The following GTF3C4 variants were observed in gnomAD, a reference collection of about 807,000 sequenced individuals.
GTF3C4 encodes general transcription factor 3C polypeptide 4.
GTF3C4 carries 28 observed loss-of-function variants against 67.5 expected under a neutral mutation model. The observed-to-expected ratio is 0.41, with a 90% CI of 0.31 to 0.57. The LOEUF is 0.57. Ranked by LOEUF, GTF3C4 falls within the 20% of genes least tolerant of loss-of-function variation. GTF3C4 has a pLI of 0.21. For synonymous variants in GTF3C4, 409 were observed against 393.0 expected (o/e 1.04, Z -0.48); for missense variants, 831 against 1,033.2 (o/e 0.80, Z 2.68).
chr9:132,671,062 C>T (rs1835732607), intron 1 of GTF3C4, 107 bp downstream of exon 1: 3 of 764,730 alleles, frequency 3.9e-6, no homozygotes, highest in Non-Finnish European at 6.5e-6. Context: ...GGATTTCCCT[C>T]TTCGCACCGA....
chr9:132,672,655 T>C (rs1425048292), intron 1 of GTF3C4, among the ~76,000 whole-genome samples: 4 of 152,192 alleles, frequency 2.6e-5, no homozygotes, highest in African/African-American at 4.8e-5. Context: ...TAAGATGCTG[T>C]TACAGTTTCA....
chr9:132,670,242 G>A (rs773688224), upstream of GTF3C4: 4 of 1,526,118 alleles, frequency 2.6e-6, no homozygotes, highest in Non-Finnish European at 3.5e-6. Flanking sequence ...AGCGAGATCC[G>A]GCGCCATCTC....
intron 3 of GTF3C4, 31 bp from the exon 4 acceptor site, chr9:132,687,208 T>G: frequency 8.2e-7 from 1 of 1,222,996 alleles, no homozygotes. Context: ...GCAAACCCTC[T>G]CCCTTGCCAA....
At chr9:132,672,528 A>C (rs1475086210) in intron 1 of GTF3C4, among the ~76,000 whole-genome samples, 1 of 152,210 alleles carries the variant, frequency 6.6e-6, no homozygotes, top group Non-Finnish European at 1.5e-5. Flanking sequence ...TTGTATAATG[A>C]CGGATCAGTA....
chr9:132,684,259 C>T (rs1050192097), intron 3 of GTF3C4, among the ~76,000 whole-genome samples: 1 of 152,190 alleles, frequency 6.6e-6, no homozygotes, highest in African/African-American at 2.4e-5. Context: ...ATCTCTCCCC[C>T]TAAGTCTAGG....
Position 132,686,684 on chromosome 9 carries a change from A to G in GTF3C4, c.2316-555A>G, listed in dbSNP as rs147315487. ...TTTTGCACCATTAATTTTGCCTTCG[A>G]TATTCTTCAGGGTTTTCCCCAGTGT... On this transcript the variant is annotated intron_variant, in intron 3 of 4. Transcript: ENST00000372146. Among the ~76,000 whole-genome samples, 1,465 of 152,242 alleles carry G rather than the reference A, an allele frequency of 9.6e-3. 11 individuals are homozygous for G. Among genetic ancestry groups the G allele is most frequent in the Non-Finnish European group, 0.013 (900 of 68,034 alleles).
intron 3 of GTF3C4, 82 bp downstream of exon 3, chr9:132,683,775 C>T: frequency 7.6e-7 from 1 of 1,307,236 alleles, no homozygotes; most frequent in South Asian, 1.5e-5. Flanking sequence ...AGAATAGCAA[C>T]TTTATGCCAG....
chr9:132,671,014 A>G (rs1162957976), intron 1 of GTF3C4, 59 bp downstream of exon 1: 26 of 1,194,650 alleles, frequency 2.2e-5, no homozygotes, highest in African/African-American at 4.5e-5. Context: ...CGGCCGCATC[A>G]TCCGTCCCAG....
chr9:132,693,515 C>T lies in GTF3C4; in HGVS notation c.*4570C>T, dbSNP rs1836150706. 1 of 152,128 alleles carries T rather than the reference C, an allele frequency of 6.6e-6. No homozygotes were observed. Among genetic ancestry groups the T allele is most frequent in the South Asian group, 2.1e-4 (1 of 4,828 alleles). 9.4% of individuals were successfully genotyped at this position (152,128 alleles called of 1,614,324 possible). ...TGACGAAAGTGTAAGATTATACTCT[C>T]ATGCTAAAATAAGGTATAGGCTAAG... On this transcript the variant is annotated 3_prime_UTR_variant, in exon 5 of 5. Coordinates refer to ENST00000372146, the MANE Select transcript of GTF3C4 (RefSeq NM_012204.4).
In GTF3C4 at chr9:132,688,868, C is replaced by G. The variant is rs1378381966; in HGVS notation, c.2405-13C>G. Reference sequence around the variant, plus strand: ...GAAGCTAACAGTTGATACCACTTGTCCTCCTTTTGCAGATCCCGACTGGAT... The same window carrying G: ...GAAGCTAACAGTTGATACCACTTGTGCTCCTTTTGCAGATCCCGACTGGAT... On this transcript the variant is annotated splice_polypyrimidine_tract_variant and intron_variant, in intron 4 of 4. Coordinates refer to ENST00000372146, the MANE Select transcript of GTF3C4 (RefSeq NM_012204.4). The G allele has an allele frequency of 1.2e-6, 2 of 1,600,952 alleles. No individual in the cohort carries two copies. The highest frequency in any genetic ancestry group is 1.7e-6 in the Non-Finnish European group (2 of 1,168,076).
Position 132,678,465 on chromosome 9 carries a change from C to T in GTF3C4, c.846C>T (p.Asn282=), listed in dbSNP as rs756038540. ...GSVLLAVLFE[N]GNIAVWQFQL... is the part of the protein sequence containing the mutation. ...TGCTCCTGGCTGTCCTCTTTGAAAA[C>T]GGTAATATCGCCGTGTGGCAGTTTC... Residue 282 remains asparagine (N), a synonymous_variant, in exon 2 of 5, where the codon AAC becomes AAT. Coordinates refer to ENST00000372146, the MANE Select transcript of GTF3C4 (RefSeq NM_012204.4). The surrounding 1 kb of genome is among the most constrained non-coding windows in gnomAD (Gnocchi z 6.5). The T allele has an allele frequency of 1.5e-5, 25 of 1,614,070 alleles. No homozygotes were observed. In the Admixed American group the frequency reaches 2.2e-4, roughly 14 times the overall value.
At chr9:132,671,099 G>A (rs1213738901) in intron 1 of GTF3C4, 144 bp downstream of exon 1, 4 of 648,652 alleles carry the variant, frequency 6.2e-6, no homozygotes, top group African/African-American at 1.9e-5. Context: ...AAGCAGCCAG[G>A]GTTACCACAG....
At chr9:132,681,966 T>TAAAAAAA (rs56402111) in intron 2 of GTF3C4, among the ~76,000 whole-genome samples, 6 of 114,750 alleles carry the variant, frequency 5.2e-5, no homozygotes, top group Non-Finnish European at 3.4e-5. Flanking sequence ...CTACATAAAG[T>TAAAAAAA]AAAAAAAAAA....
At chr9:132,687,218 A>G (rs747570884) in intron 3 of GTF3C4, 21 bp from the exon 4 acceptor site, 6 of 1,399,138 alleles carry the variant, frequency 4.3e-6, no homozygotes, top group South Asian at 2.3e-5. Context: ...TCCCTTGCCA[A>G]TACAGTCTGT....
rs1445832770 is a variant in GTF3C4, at chr9:132,690,696, AAG to A, written c.*1753_*1754del. On this transcript the variant is annotated 3_prime_UTR_variant, in exon 5 of 5. Transcript: ENST00000372146. ...GTTTATCCACTATTGATTTTCAAGA[AAG>A]AAACCAAGCAGCATTGAAATCATGA... The A allele has an allele frequency of 1.3e-5, 2 of 152,234 alleles. No homozygotes were observed. The highest frequency in any genetic ancestry group is 4.8e-5 in the African/African-American group (2 of 41,470). The allele number at this position is 152,234 out of a possible 1,614,324, so 9.4% of individuals were successfully genotyped here.
At position 132,679,173 on chromosome 9, in the gene GTF3C4, T is replaced by G. The variant is rs1426530867; in HGVS notation, c.1554T>G (p.Phe518Leu). The G allele has an allele frequency of 1.9e-6, 3 of 1,614,068 alleles. No homozygotes were observed. Among genetic ancestry groups the G allele is most frequent in the African/African-American group, 2.7e-5 (2 of 74,920 alleles). ...TCCAATTTGTTACTCTCAAAACCTT[T>G]GAAGAGGCAGCTGCTCAGCTCCTGG... ...YQVQFVTLKT[F>L]EEAAAQLLES... Residue 518 changes from phenylalanine to leucine, a missense_variant, in exon 2 of 5, where the codon TTT becomes TTG. Phe to Leu is a conservative substitution (Grantham distance 22). Coordinates refer to ENST00000372146, the MANE Select transcript of GTF3C4 (RefSeq NM_012204.4). This position sits in a 1 kb window ranked among gnomAD's most constrained non-coding sequence, Gnocchi z 5.9.
chr9:132,670,326 C>T, upstream of GTF3C4: 3 of 1,463,968 alleles, frequency 2.0e-6, no homozygotes, highest in South Asian at 4.4e-5. Flanking sequence ...CTGGGTAGCT[C>T]CCTAACAGGC....
intron 1 of GTF3C4, among the ~76,000 whole-genome samples, chr9:132,673,311 T>C (rs1313916474): frequency 1.3e-5 from 2 of 152,242 alleles, no homozygotes; most frequent in African/African-American, 4.8e-5. Flanking sequence ...AGTTAACATT[T>C]ACCACAACTG....
chr9:132,682,606 T>TTC (rs1835963361), intron 2 of GTF3C4, among the ~76,000 whole-genome samples: 1 of 145,016 alleles, frequency 6.9e-6, no homozygotes, highest in African/African-American at 2.6e-5. Context: ...TTTTTTTTTT[T>TTC]TTTTTTTTTT....
Sources: gnomAD v4.1 joint callset for allele counts (sites outside exome capture counted in the v4.1 genomes callset) on GRCh38, gnomAD v4.1.1 for gene constraint, Gnocchi (gnomAD v3.1) non-coding constraint, MANE v1.5 for transcripts, NCBI Gene and HGNC (gene_info 2026-07-23, HGNC 2026-07-21) for gene names.